The following DNAJB14 variants were observed in gnomAD, a reference collection of about 807,000 sequenced individuals.
DNAJB14 encodes the protein dnaJ homolog subfamily B member 14.
A neutral mutation model predicts 48.4 loss-of-function variants in DNAJB14; 22 were observed. That is an observed-to-expected ratio of 0.45 (90% CI 0.32 to 0.65). The LOEUF is 0.65. Among genes scored for constraint, DNAJB14 ranks in the 30% least tolerant of loss-of-function variants. The pLI is 0.03. For missense variants in DNAJB14, 319 were observed against 458.8 expected, an observed-to-expected ratio of 0.70 and a Z score of 2.78; for synonymous variants, 142 against 158.7, an observed-to-expected ratio of 0.89 and a Z score of 0.79.
chr4:99,907,367 G>A (rs989052140), intron 4 of DNAJB14, among the ~76,000 whole-genome samples: 2 of 151,982 alleles, frequency 1.3e-5, no homozygotes, highest in Admixed American at 6.6e-5. Flanking sequence ...TTTGCAAAAC[G>A]TCCTATCAAT....
Position 99,930,536 on chromosome 4 carries a change from G to T in DNAJB14, c.219C>A (p.Ser73Arg). ...CRKPSGSGDQ[S>R]KPNCTKDSTS... ...TGCTGTCCTTTGTGCAATTAGGCTT[G>T]CTTTGATCGCCACTACCTGATGGTT... The change falls in exon 2 of 8, where the codon AGC becomes AGA. Residue 73 changes from serine (S) to arginine (R), a missense_variant. By Grantham distance (110) the Ser-to-Arg change is moderately radical. This residue lies in a region of DNAJB14 where 116 missense variants were observed against 134.6 expected (regional missense o/e 0.86). Transcript: ENST00000442697. The T allele has an allele frequency of 6.2e-7, 1 of 1,613,244 alleles. No homozygotes were observed. The highest frequency in any genetic ancestry group is 1.7e-5 in the Admixed American group (1 of 59,940).
chr4:99,907,386 C>T (rs950281516), intron 4 of DNAJB14, among the ~76,000 whole-genome samples: 1 of 152,142 alleles, frequency 6.6e-6, no homozygotes, highest in Non-Finnish European at 1.5e-5. Context: ...ATGACCACAA[C>T]CTTGCCAGGC....
rs1333113096 is a variant in DNAJB14 at position 99,908,832 on chromosome 4, G to C, written c.516C>G (p.Gly172=). ...PEKRKQYDLT[G]NEEQACNHQN... is the part of the protein sequence containing the mutation. The stretch of plus-strand genomic sequence containing the variant: ...GGTGGTTACATGCTTGTTCTTCATT[G>C]CCCGTGAGGTCATACTGTTTTCGCT... Residue 172 remains glycine (G), a synonymous_variant, in exon 4 of 8, where the codon GGC becomes GGG. Coordinates refer to ENST00000442697, the MANE Select transcript of DNAJB14 (RefSeq NM_001031723.4). The C allele has an allele frequency of 6.2e-7, 1 of 1,609,100 alleles. No individual in the cohort carries two copies. Among genetic ancestry groups the C allele is most frequent in the Admixed American group, 1.7e-5 (1 of 59,512 alleles).
intron 3 of DNAJB14, among the ~76,000 whole-genome samples, chr4:99,916,664 A>G (rs1263716169): frequency 6.6e-6 from 1 of 152,042 alleles, no homozygotes; most frequent in Non-Finnish European, 1.5e-5. Flanking sequence ...TTCTGAGTAT[A>G]TATCTTTGTA....
intron 3 of DNAJB14, among the ~76,000 whole-genome samples, chr4:99,917,219 A>C (rs1243052721): frequency 2.0e-5 from 3 of 152,240 alleles, no homozygotes; most frequent in African/African-American, 7.2e-5. Flanking sequence ...TTTTGCTTCA[A>C]ATATCAAACA....
Position 99,924,877 on chromosome 4 carries a change from G to C in DNAJB14, c.306-1692C>G, listed in dbSNP as rs368949432. On this transcript the variant is annotated intron_variant, in intron 2 of 7. Coordinates refer to ENST00000442697, the MANE Select transcript of DNAJB14 (RefSeq NM_001031723.4). ...GCATAAAAAACTGAATTCAACTGTA[G>C]ATTTTGCCTCTAGGCAAAAATCTGA... is the stretch of plus-strand genomic sequence containing the variant. 219 of 1,252,482 alleles carry C rather than the reference G, an allele frequency of 1.7e-4. No homozygotes were observed. The African/African-American group carries it at 2.8e-3, about 16-fold the overall frequency. 77.6% of individuals were successfully genotyped at this position (1,252,482 alleles called of 1,614,324 possible).
At chr4:99,945,690 C>G (rs1396859988) in intron 1 of DNAJB14, among the ~76,000 whole-genome samples, 1 of 152,184 alleles carries the variant, frequency 6.6e-6, no homozygotes, top group East Asian at 1.9e-4. Context: ...AAATGTTGGG[C>G]ACAACTATTG....
chr4:99,923,900 A>G (rs1294160453), intron 2 of DNAJB14: 3 of 984,290 alleles, frequency 3.0e-6, no homozygotes. Context: ...ACATCTCATG[A>G]TAAAATATAA....
chr4:99,922,548 A>T (rs1162041655), intron 3 of DNAJB14: 9 of 137,612 alleles, frequency 6.5e-5, no homozygotes, highest in African/African-American at 2.6e-4. Context: ...ATTAATTTTT[A>T]AAAAGAAAAA....
chr4:99,905,799 T>C, intron 5 of DNAJB14, 93 bp from the exon 6 acceptor site: 1 of 1,375,108 alleles, frequency 7.3e-7, no homozygotes, highest in South Asian at 1.3e-5. Flanking sequence ...AGAAAGCGCA[T>C]TTGAGATCAT....
chr4:99,943,864 AC>A (rs533351155), intron 1 of DNAJB14, among the ~76,000 whole-genome samples: 8 of 152,260 alleles, frequency 5.3e-5, no homozygotes, highest in South Asian at 2.1e-4. Flanking sequence ...GCACAAAAAA[AC>A]AAAGCAAAAA....
intron 1 of DNAJB14, among the ~76,000 whole-genome samples, chr4:99,937,096 C>T (rs750656270): frequency 2.0e-4 from 30 of 152,108 alleles, no homozygotes; most frequent in African/African-American, 2.9e-4. Flanking sequence ...GCGGGCGGAT[C>T]AGGAGGTCAG....
chr4:99,902,837 A>C (rs1725339844), intron 7 of DNAJB14, among the ~76,000 whole-genome samples: 1 of 152,176 alleles, frequency 6.6e-6, no homozygotes, highest in Admixed American at 6.5e-5. Flanking sequence ...CAGTTTCTTC[A>C]TGTGTAAAAT....
Position 99,897,614 on chromosome 4 carries a change from A to C in DNAJB14, c.*3414T>G, listed in dbSNP as rs1725174972. On this transcript the variant is annotated 3_prime_UTR_variant, in exon 8 of 8. Coordinates refer to ENST00000442697, the MANE Select transcript of DNAJB14 (RefSeq NM_001031723.4). ...CAGACAAGTTTCTTTTCATTGGTTTATAGGGAATTTTATGGATTTTAACTA... is the reference window on the plus strand; with the variant it reads ...CAGACAAGTTTCTTTTCATTGGTTTCTAGGGAATTTTATGGATTTTAACTA... 1 of 152,026 alleles carries C rather than the reference A, an allele frequency of 6.6e-6. No individual in the cohort carries two copies. The highest frequency in any genetic ancestry group is 1.5e-5 in the Non-Finnish European group (1 of 67,882). 9.4% of individuals were successfully genotyped at this position (152,026 alleles called of 1,614,324 possible). A position where few individuals can be genotyped will look rare whatever the true frequency, so the allele number is the denominator to read the frequency against.
intron 3 of DNAJB14, among the ~76,000 whole-genome samples, chr4:99,916,927 GAT>G (rs1407081467): frequency 1.3e-5 from 2 of 152,122 alleles, no homozygotes; most frequent in Non-Finnish European, 2.9e-5. Flanking sequence ...GCAATCGAGA[GAT>G]AGAGACCATC....
rs1323229715 is a variant in DNAJB14 at position 99,946,578 on chromosome 4, C to G, written c.-7G>C. On this transcript the variant is annotated 5_prime_UTR_variant, in exon 1 of 8. Coordinates refer to ENST00000442697, the MANE Select transcript of DNAJB14 (RefSeq NM_001031723.4). The stretch of plus-strand genomic sequence containing the variant: ...CATCCCTGTTCCCCTCCATAGCTTG[C>G]TCCTTCTTCCGTTTCCTCCGGCAGC... The G allele has an allele frequency of 6.2e-7, 1 of 1,612,884 alleles. No individual in the cohort carries two copies. The highest frequency in any genetic ancestry group is 2.2e-5 in the East Asian group (1 of 44,768).
intron 7 of DNAJB14, among the ~76,000 whole-genome samples, chr4:99,902,692 C>T (rs1213182665): frequency 1.3e-5 from 2 of 152,146 alleles, no homozygotes; most frequent in Non-Finnish European, 2.9e-5. Flanking sequence ...TTAATTTTCA[C>T]AACAAACCCC....
chr4:99,911,683 A>G (rs137881327), intron 3 of DNAJB14, among the ~76,000 whole-genome samples: 246 of 152,274 alleles, frequency 1.6e-3, no homozygotes, highest in African/African-American at 5.7e-3. Flanking sequence ...TGCCCTCTGT[A>G]TATCATCTTC....
At chr4:99,907,386 C>G (rs950281516) in intron 4 of DNAJB14, among the ~76,000 whole-genome samples, 3 of 152,142 alleles carry the variant, frequency 2.0e-5, no homozygotes, top group African/African-American at 7.2e-5. Flanking sequence ...ATGACCACAA[C>G]CTTGCCAGGC....
Sources: allele counts gnomAD v4.1 joint callset (sites outside exome capture counted in the v4.1 genomes callset), GRCh38; gene constraint gnomAD v4.1.1; regional missense constraint gnomAD v4.1.1; transcripts MANE v1.5; gene names NCBI Gene and HGNC (gene_info 2026-07-23, HGNC 2026-07-21).